Variants in PHAF1 observed in about 807,000 individuals in gnomAD.
The protein encoded by PHAF1 is phagophore assembly factor 1, also known as phagosome assembly factor 1.
A neutral mutation model predicts 63.1 loss-of-function variants in PHAF1; 23 were observed. That is an observed-to-expected ratio of 0.36 (90% CI 0.26 to 0.52). The LOEUF is 0.52. Ranked by LOEUF, PHAF1 falls within the 20% of genes least tolerant of loss-of-function variation. The probability of loss-of-function intolerance (pLI) is 0.93; values close to 1 mark genes in which losing one functional copy is unlikely to be tolerated. For missense variants in PHAF1, 427 were observed against 517.2 expected (o/e 0.83, Z 1.69); for synonymous variants, 167 against 185.0 (o/e 0.90, Z 0.79).
At position 67,147,280 on chromosome 16, in the gene PHAF1, G is replaced by T; in HGVS notation, c.*149G>T. 1 of 714,682 alleles carries T rather than the reference G, an allele frequency of 1.4e-6. No homozygotes were observed. The highest frequency in any genetic ancestry group is 2.7e-5 in the Admixed American group (1 of 37,524). The allele number at this position is 714,682 out of a possible 1,614,324, so 44.3% of individuals were successfully genotyped here. The stretch of plus-strand genomic sequence containing the variant: ...TTCTGAGGTTGGGCTCAGGCTGGGT[G>T]CTCTGCCATGGGCTGAGTGGCCCAG... On this transcript the variant is annotated 3_prime_UTR_variant, in exon 16 of 16. Transcript: ENST00000219139.
chr16:67,140,588 T>C lies in PHAF1; in HGVS notation c.873T>C (p.Leu291=). 2 of 1,584,688 alleles carry C rather than the reference T, an allele frequency of 1.3e-6. No homozygotes were observed. The highest frequency in any genetic ancestry group is 1.7e-6 in the Non-Finnish European group (2 of 1,153,184). The change falls in exon 10 of 16, where the codon CTT becomes CTC. Residue 291 remains leucine (L), a synonymous_variant. Coordinates refer to ENST00000219139, the MANE Select transcript of PHAF1 (RefSeq NM_025187.5). Reference sequence around the variant, plus strand: ...ACTACTTTTTTAACTACTTCACTCTTGGAGTGGTAAGTTGTGATTCCTCAG... The same window carrying C: ...ACTACTTTTTTAACTACTTCACTCTCGGAGTGGTAAGTTGTGATTCCTCAG... ...CNDYFFNYFT[L]GVDILFDANT...
chr16:67,125,581 T>G (rs1963155064), intron 2 of PHAF1, among the ~76,000 whole-genome samples: 1 of 152,210 alleles, frequency 6.6e-6, no homozygotes, highest in Non-Finnish European at 1.5e-5. Flanking sequence ...TCACATGACC[T>G]GTATTCCTCA....
intron 8 of PHAF1, among the ~76,000 whole-genome samples, chr16:67,137,633 T>G (rs1963658419): frequency 6.6e-6 from 1 of 152,166 alleles, no homozygotes; most frequent in African/African-American, 2.4e-5. Flanking sequence ...CTATAGTTTT[T>G]GAGAGAATTG....
intron 1 of PHAF1, among the ~76,000 whole-genome samples, chr16:67,110,900 C>T (rs1332935584): frequency 6.6e-6 from 1 of 152,194 alleles, no homozygotes; most frequent in Non-Finnish European, 1.5e-5. Flanking sequence ...AACTTAACGC[C>T]TCGTGGGTTT....
In PHAF1 at chr16:67,120,202, G is replaced by T. The variant is rs1417321404; in HGVS notation, c.147+8G>T. 1.9e-6 allele frequency: 3 copies of T among 1,611,088 alleles called. No individual in the cohort carries two copies. The highest frequency in any genetic ancestry group is 2.5e-6 in the Non-Finnish European group (3 of 1,178,004). ...GTTCTCTACAGTGAACAGGTGAGTGGTGGCTGATTTGTTTATTGAAATAGC... is the reference window on the plus strand; with the variant it reads ...GTTCTCTACAGTGAACAGGTGAGTGTTGGCTGATTTGTTTATTGAAATAGC... On this transcript the variant is annotated splice_region_variant and intron_variant, in intron 2 of 15. Coordinates refer to ENST00000219139, the MANE Select transcript of PHAF1 (RefSeq NM_025187.5).
At chr16:67,129,719 T>C (rs1263746316) in intron 3 of PHAF1, among the ~76,000 whole-genome samples, 1 of 152,230 alleles carries the variant, frequency 6.6e-6, no homozygotes, top group Non-Finnish European at 1.5e-5. Flanking sequence ...TGCTGCTGGC[T>C]GCCAAGCCCT....
chr16:67,133,649 G>A (rs1057290095), intron 6 of PHAF1, among the ~76,000 whole-genome samples: 5 of 152,102 alleles, frequency 3.3e-5, no homozygotes, highest in East Asian at 1.9e-4. Flanking sequence ...GTGTGGTGGC[G>A]GGTGCCTGTA....
At chr16:67,128,205 C>T (rs1332728297) in intron 3 of PHAF1, among the ~76,000 whole-genome samples, 1 of 152,156 alleles carries the variant, frequency 6.6e-6, no homozygotes, top group Non-Finnish European at 1.5e-5. Context: ...TATGTGGTGG[C>T]TGACCACTTA....
At chr16:67,123,028 C>A (rs1963047161) in intron 2 of PHAF1, among the ~76,000 whole-genome samples, 1 of 151,936 alleles carries the variant, frequency 6.6e-6, no homozygotes, top group South Asian at 2.1e-4. Flanking sequence ...CACACCCAGC[C>A]TAGGATAATC....
intron 3 of PHAF1, among the ~76,000 whole-genome samples, chr16:67,128,518 AC>A (rs1263794793): frequency 6.6e-6 from 1 of 151,750 alleles, no homozygotes; most frequent in African/African-American, 2.4e-5. Context: ...GTTGCTTCCC[AC>A]CCCCTGCCTC....
intron 1 of PHAF1, among the ~76,000 whole-genome samples, chr16:67,116,720 C>T (rs567982729): frequency 2.8e-4 from 43 of 152,268 alleles, no homozygotes; most frequent in African/African-American, 9.9e-4. Flanking sequence ...TGTGGTGGCA[C>T]ATGCCTGTAG....
intron 8 of PHAF1, among the ~76,000 whole-genome samples, chr16:67,137,231 C>T (rs1963643339): frequency 1.3e-5 from 2 of 151,890 alleles, no homozygotes; most frequent in East Asian, 1.9e-4. Context: ...ACAACCTTCA[C>T]GTTACGAATT....
chr16:67,119,970 T>C, intron 1 of PHAF1, 142 bp from the exon 2 acceptor site: 1 of 620,168 alleles, frequency 1.6e-6, no homozygotes, highest in African/African-American at 1.8e-5. Context: ...CTTATTGAAC[T>C]CTTATTTACT....
At chr16:67,145,672 C>T in intron 14 of PHAF1, 44 bp downstream of exon 14, 1 of 1,577,920 alleles carries the variant, frequency 6.3e-7, no homozygotes, top group Non-Finnish European at 8.6e-7. Context: ...CCTGACTCCT[C>T]AGAGCCCAGA....
intron 8 of PHAF1, among the ~76,000 whole-genome samples, chr16:67,137,531 C>G (rs1963655858): frequency 6.6e-6 from 1 of 152,090 alleles, no homozygotes; most frequent in Admixed American, 6.6e-5. Context: ...ATTGACCAGG[C>G]TGGTCTCAAA....
rs368155339 is a variant in PHAF1, at chr16:67,134,545, G to T, written c.661+78G>T. ...CAGTCTAAAATCCCACGTGCTTAGGGTGTGTCTCAGTCCATTCAGGCTGCT... is the reference window on the plus strand; with the variant it reads ...CAGTCTAAAATCCCACGTGCTTAGGTTGTGTCTCAGTCCATTCAGGCTGCT... On this transcript the variant is annotated intron_variant, in intron 8 of 15. Transcript: ENST00000219139. 1.9e-4 allele frequency: 219 copies of T among 1,176,322 alleles called. 4 individuals carry two copies. In the South Asian group the frequency reaches 2.6e-3, roughly 14 times the overall value. The allele number at this position is 1,176,322 out of a possible 1,614,324, so 72.9% of individuals were successfully genotyped here.
In PHAF1 at chr16:67,134,429, C is replaced by T. The variant is rs1354829600; in HGVS notation, c.623C>T (p.Thr208Ile). The T allele has an allele frequency of 5.0e-6, 8 of 1,613,744 alleles. No individual in the cohort carries two copies. The South Asian group carries it at 7.7e-5, about 16-fold the overall frequency. Residue 208 changes from threonine to isoleucine, a missense_variant, in exon 8 of 16, where the codon ACT becomes ATT. Transcript: ENST00000219139. ...AGTGTAGATGTTCTTCGAGATGGAA[C>T]TGGACCTGCAGGTTTACGACTTCGC... ...AESVDVLRDGTGPAGLRLRLL... is the reference protein window; with the variant it reads ...AESVDVLRDGIGPAGLRLRLL...
chr16:67,145,661 A>T (rs773205490), intron 14 of PHAF1, 33 bp downstream of exon 14: 1 of 1,596,700 alleles, frequency 6.3e-7, no homozygotes, highest in Non-Finnish European at 8.5e-7. Context: ...CGGCCACCCC[A>T]CCTGACTCCT....
chr16:67,123,622 G>A (rs984202537), intron 2 of PHAF1, among the ~76,000 whole-genome samples: 9 of 152,122 alleles, frequency 5.9e-5, no homozygotes, highest in Admixed American at 2.0e-4. Context: ...TGCCCAGACT[G>A]GTCTCAAACT....
Sources: allele counts gnomAD v4.1 joint callset (sites outside exome capture counted in the v4.1 genomes callset), GRCh38; gene constraint gnomAD v4.1.1; transcripts MANE v1.5; gene names NCBI Gene and HGNC (gene_info 2026-07-23, HGNC 2026-07-21).